Variants in MEI1 observed in about 807,000 individuals in gnomAD.
MEI1 encodes meiotic double-stranded break formation protein 1.
MEI1 carries 103 observed loss-of-function variants against 146.2 expected under a neutral mutation model. The ratio of observed to expected loss-of-function variants is 0.70; its 90% confidence interval spans 0.60 to 0.83. The LOEUF (loss-of-function observed/expected upper bound fraction) is 0.83, where lower values mean the gene tolerates loss of function less well. MEI1 is among the 40% of genes least tolerant of loss of function. The pLI is 0.00. For missense variants in MEI1, 1,529 were observed against 1,533.0 expected (o/e 1.00, Z 0.04); for synonymous variants, 652 against 628.2 (o/e 1.04, Z -0.57).
At chr22:41,737,070 C>A (rs2072436759) in intron 11 of MEI1, among the ~76,000 whole-genome samples, 1 of 152,168 alleles carries the variant, frequency 6.6e-6, no homozygotes, top group Admixed American at 6.6e-5. Flanking sequence ...TTGAACACAT[C>A]AAACTTATTC....
At chr22:41,719,797 G>C (rs1290020570) in intron 6 of MEI1, among the ~76,000 whole-genome samples, 1 of 152,166 alleles carries the variant, frequency 6.6e-6, no homozygotes, top group Admixed American at 6.5e-5. Context: ...TCTATCAACT[G>C]TTCTAAGCAG....
chr22:41,716,031 C>T lies in MEI1; in HGVS notation c.424-10C>T, dbSNP rs6002449. On this transcript the variant is annotated splice_polypyrimidine_tract_variant and intron_variant, in intron 4 of 30. Transcript: ENST00000401548. ...TAATTGACAGAATGGAGCATATTCACTTTCTGTAGCTGTGTAACATGCCCT... is the reference window on the plus strand; with the variant it reads ...TAATTGACAGAATGGAGCATATTCATTTTCTGTAGCTGTGTAACATGCCCT... The T allele has an allele frequency of 1.9e-4, 307 of 1,594,186 alleles. 2 individuals are homozygous for T. In the African/African-American group the frequency reaches 3.7e-3, roughly 19 times the overall value.
At chr22:41,744,950 C>T (rs2073177467) in intron 12 of MEI1, 23 bp from the exon 13 acceptor site, 1 of 1,469,448 alleles carries the variant, frequency 6.8e-7, no homozygotes, top group African/African-American at 1.4e-5. Context: ...TCACTAGGTT[C>T]CTGTCTCTCC....
Position 41,763,245 on chromosome 22 carries a change from G to A in MEI1, c.2192G>A (p.Arg731His), listed in dbSNP as rs192926292. The change falls in exon 19 of 31, where the codon CGC becomes CAC. Residue 731 changes from arginine to histidine, a missense_variant. This residue lies in a region of MEI1 where 1,212 missense variants were observed against 1,178.9 expected (regional missense o/e 1.03). Transcript: ENST00000401548. The part of the protein sequence containing the change: ...FLLSLQDQGE[R>H]PPLVVFKASI... The stretch of plus-strand genomic sequence containing the variant: ...CTGTCGCTGCAGGACCAGGGCGAGC[G>A]CCCCCCACTGGTGGTCTTCAAAGCC... 496 of 1,613,776 alleles carry A rather than the reference G, an allele frequency of 3.1e-4. No individual in the cohort carries two copies. The highest frequency in any genetic ancestry group is 4.0e-4 in the Non-Finnish European group (468 of 1,179,792).
In MEI1 at chr22:41,795,609, G is replaced by A; in HGVS notation, c.3666+67G>A. 1 of 1,605,790 alleles carries A rather than the reference G, an allele frequency of 6.2e-7. No individual in the cohort carries two copies. Among genetic ancestry groups the A allele is most frequent in the East Asian group, 2.2e-5 (1 of 44,694 alleles). On this transcript the variant is annotated intron_variant, in intron 29 of 30. Coordinates refer to ENST00000401548, the MANE Select transcript of MEI1 (RefSeq NM_152513.4). This position sits in a 1 kb window ranked among gnomAD's most constrained non-coding sequence, Gnocchi z 4.2. ...ACCCTCAACACCATCTTCTCTTGGA[G>A]GGTGGGAGCTCTGGCCACAGCAACC...
Position 41,718,292 on chromosome 22 carries a change from A to G in MEI1, c.733+18A>G, listed in dbSNP as rs2070395878. ...CTGCTTGGGTAAGACATGAGGCTGG[A>G]GAAAAAAGGGAGAATAAGTTTTTGA... On this transcript the variant is annotated intron_variant, in intron 6 of 30. Coordinates refer to ENST00000401548, the MANE Select transcript of MEI1 (RefSeq NM_152513.4). 2 of 1,610,678 alleles carry G rather than the reference A, an allele frequency of 1.2e-6. No individual in the cohort carries two copies. The highest frequency in any genetic ancestry group is 1.7e-6 in the Non-Finnish European group (2 of 1,177,904).
In MEI1 at chr22:41,776,115, C is replaced by A. The variant is rs762705138; in HGVS notation, c.2558C>A (p.Ser853Tyr). 6.2e-7 allele frequency: 1 copy of A among 1,613,976 alleles called. No homozygotes were observed. Among genetic ancestry groups the A allele is most frequent in the Non-Finnish European group, 8.5e-7 (1 of 1,179,870 alleles). ...ILLILLDLIY[S>Y]SPVDTAHKVL... ...TCTCCTGCTCAGGACCTCATCTATT[C>A]CAGCCCAGTGGACACAGCTCACAAG... The change falls in exon 21 of 31, where the codon TCC (serine) becomes TAC (tyrosine). Residue 853 changes from serine to tyrosine, a missense_variant. Around this residue, in one of 3 missense-constraint regions of MEI1, gnomAD observed 1,212 missense variants for 1,178.9 expected, o/e 1.03. Coordinates refer to ENST00000401548, the MANE Select transcript of MEI1 (RefSeq NM_152513.4).
chr22:41,793,980 C>G (rs1223890082), intron 27 of MEI1, 70 bp downstream of exon 27: 1 of 1,358,662 alleles, frequency 7.4e-7, no homozygotes, highest in Admixed American at 2.0e-5. Context: ...TTCCACCCTC[C>G]TGCTCCAGCC....
At chr22:41,791,011 C>T (rs9611667) in intron 26 of MEI1, among the ~76,000 whole-genome samples, 25,143 of 152,088 alleles carry the variant, frequency 0.17, 3,025 homozygotes, top group Admixed American at 0.36. Flanking sequence ...AAGGGCATTC[C>T]GGCAGGACAA....
At chr22:41,786,922 A>G (rs1309736880) in intron 26 of MEI1, among the ~76,000 whole-genome samples, 1 of 152,254 alleles carries the variant, frequency 6.6e-6, no homozygotes, top group Admixed American at 6.5e-5. Flanking sequence ...GTCATGGCCT[A>G]TGAAGGATAC....
chr22:41,752,158 A>G (rs1248001380), intron 15 of MEI1, among the ~76,000 whole-genome samples: 1 of 152,208 alleles, frequency 6.6e-6, no homozygotes, highest in African/African-American at 2.4e-5. Context: ...ATGAGAATAA[A>G]ATAGTAACTA....
Position 41,718,225 on chromosome 22 carries a change from T to G in MEI1, c.684T>G (p.Leu228=). The part of the protein sequence containing the change: ...HFREKLFPLF[L]SILDGAQTKE... The stretch of plus-strand genomic sequence containing the variant: ...GTGAGAAGCTTTTTCCCCTCTTCCT[T>G]TCCATCCTGGATGGTGCCCAGACAA... The change falls in exon 6 of 31, where the codon CTT becomes CTG. Residue 228 remains leucine, a synonymous_variant. Coordinates refer to ENST00000401548, the MANE Select transcript of MEI1 (RefSeq NM_152513.4). 1 of 1,613,956 alleles carries G rather than the reference T, an allele frequency of 6.2e-7. No homozygotes were observed. Among genetic ancestry groups the G allele is most frequent in the African/African-American group, 1.3e-5 (1 of 75,042 alleles).
intron 3 of MEI1, among the ~76,000 whole-genome samples, chr22:41,712,066 G>C (rs567838752): frequency 6.6e-5 from 10 of 150,808 alleles, no homozygotes; most frequent in Non-Finnish European, 1.3e-4. Flanking sequence ...AGCCAGGCGT[G>C]GGGGGCGGGT....
intron 3 of MEI1, among the ~76,000 whole-genome samples, chr22:41,711,838 G>A (rs2069595020): frequency 6.6e-6 from 1 of 151,962 alleles, no homozygotes; most frequent in Non-Finnish European, 1.5e-5. Context: ...TTGGCTATAG[G>A]AACTTGCCTA....
At chr22:41,735,917 A>C (rs1398749709) in intron 11 of MEI1, among the ~76,000 whole-genome samples, 3 of 152,210 alleles carry the variant, frequency 2.0e-5, no homozygotes, top group Admixed American at 2.0e-4. Context: ...CTTGCCTAAA[A>C]TGCCTGTGTT....
intron 3 of MEI1, among the ~76,000 whole-genome samples, chr22:41,708,951 C>A (rs537535341): frequency 6.6e-6 from 1 of 152,100 alleles, no homozygotes; most frequent in Non-Finnish European, 1.5e-5. Flanking sequence ...AAAGTGGCCA[C>A]GTGTGTCAAA....
At chr22:41,706,199 C>T (rs1055674618) in intron 3 of MEI1, among the ~76,000 whole-genome samples, 3 of 151,962 alleles carry the variant, frequency 2.0e-5, no homozygotes, top group Admixed American at 1.3e-4. Context: ...AATTTCTTTT[C>T]GTTGAGACAG....
intron 20 of MEI1, among the ~76,000 whole-genome samples, chr22:41,772,503 G>A (rs1034014196): frequency 6.6e-6 from 1 of 152,090 alleles, no homozygotes; most frequent in African/African-American, 2.4e-5. Context: ...TATATTTTTT[G>A]TAGAGACAGT....
intron 11 of MEI1, among the ~76,000 whole-genome samples, chr22:41,734,769 C>CT (rs987394391): frequency 5.9e-5 from 9 of 151,924 alleles, no homozygotes; most frequent in Admixed American, 2.6e-4. Context: ...TCCCGAGTAG[C>CT]TGGGACTACA....
Sources: gnomAD v4.1 joint callset for allele counts (sites outside exome capture counted in the v4.1 genomes callset) on GRCh38, gnomAD v4.1.1 for gene constraint, gnomAD v4.1.1 regional missense constraint, Gnocchi (gnomAD v3.1) non-coding constraint, MANE v1.5 for transcripts, NCBI Gene and HGNC (gene_info 2026-07-23, HGNC 2026-07-21) for gene names.